The following RELN variants were observed in gnomAD, a reference collection of about 807,000 sequenced individuals.
RELN encodes reelin.
A neutral mutation model predicts 427.6 loss-of-function variants in RELN; 108 were observed. The observed-to-expected ratio is 0.25, with a 90% CI of 0.22 to 0.30. The LOEUF (loss-of-function observed/expected upper bound fraction) is 0.30. Among genes scored for constraint, RELN ranks in the 10% least tolerant of loss-of-function variants. The pLI is 1.00. For missense variants in RELN, 3,715 were observed against 4,302.8 expected, an observed-to-expected ratio of 0.86 and a Z score of 3.82; for synonymous variants, 1,524 against 1,513.4, an observed-to-expected ratio of 1.01 and a Z score of -0.16.
Position 103,596,161 on chromosome 7 carries a change from A to G in RELN, c.3539+295T>C, listed in dbSNP as rs138182670. On this transcript the variant is annotated intron_variant, in intron 25 of 64. Coordinates refer to ENST00000428762, the MANE Select transcript of RELN (RefSeq NM_005045.4). ...AAACAAGCCTGCAAATGGGAAAATGAGCGTGGAACATCCCCATATTCCATG... is the reference window on the plus strand; with the variant it reads ...AAACAAGCCTGCAAATGGGAAAATGGGCGTGGAACATCCCCATATTCCATG... 2.9e-3 allele frequency among the ~76,000 whole-genome samples: 442 copies of G among 152,352 alleles called. 3 individuals are homozygous for G. The highest frequency in any genetic ancestry group is 0.01 in the Middle Eastern group (3 of 294).
intron 58 of RELN, 91 bp downstream of exon 58, chr7:103,491,854 TCTCACACA>T (rs1352095141): frequency 5.8e-5 from 22 of 377,944 alleles, no homozygotes; most frequent in African/African-American, 3.9e-4. Context: ...TCTCTCTCTC[TCTCACACA>T]CACACACACA....
At chr7:103,837,663 C>A (rs370834184) in intron 2 of RELN, among the ~76,000 whole-genome samples, 1 of 152,150 alleles carries the variant, frequency 6.6e-6, no homozygotes, top group African/African-American at 2.4e-5. Flanking sequence ...TCCCTCACTG[C>A]CCCTCCCTCT....
intron 12 of RELN, among the ~76,000 whole-genome samples, chr7:103,660,498 TC>T (rs1194165329): frequency 6.6e-6 from 1 of 152,188 alleles, no homozygotes; most frequent in Non-Finnish European, 1.5e-5. Flanking sequence ...ATCTGAGGTT[TC>T]CCATGCAACC....
At chr7:103,700,025 T>C (rs1834057797) in intron 9 of RELN, among the ~76,000 whole-genome samples, 1 of 152,070 alleles carries the variant, frequency 6.6e-6, no homozygotes, top group African/African-American at 2.4e-5. Context: ...TAATATTTAT[T>C]CTGCTACCCT....
chr7:103,792,636 ATG>A, intron 3 of RELN, among the ~76,000 whole-genome samples: 1 of 152,218 alleles, frequency 6.6e-6, no homozygotes, highest in South Asian at 2.1e-4. Context: ...GGTAATAAAA[ATG>A]TTATAAAAAT....
intron 2 of RELN, among the ~76,000 whole-genome samples, chr7:103,864,489 T>C (rs992580477): frequency 2.6e-4 from 40 of 152,140 alleles, no homozygotes; most frequent in Non-Finnish European, 2.9e-5. Flanking sequence ...CATTCTATTC[T>C]CCGCTTCTGT....
intron 51 of RELN, among the ~76,000 whole-genome samples, chr7:103,506,246 G>A (rs1411639923): frequency 6.6e-6 from 1 of 152,076 alleles, no homozygotes; most frequent in Non-Finnish European, 1.5e-5. Context: ...ACGCCACAAA[G>A]ATACATAATC....
intron 6 of RELN, among the ~76,000 whole-genome samples, chr7:103,746,029 A>G (rs1377015776): frequency 2.0e-5 from 3 of 152,114 alleles, no homozygotes; most frequent in Admixed American, 6.5e-5. Flanking sequence ...CTACAAGGCT[A>G]CAGTAACCAA....
chr7:103,475,609 C>T (rs548412192), intron 64 of RELN, among the ~76,000 whole-genome samples: 3 of 152,252 alleles, frequency 2.0e-5, no homozygotes, highest in East Asian at 1.9e-4. Flanking sequence ...TTTGTTATCT[C>T]AATGCAACCT....
intron 10 of RELN, among the ~76,000 whole-genome samples, chr7:103,692,310 C>T (rs1833888788): frequency 6.6e-6 from 1 of 152,036 alleles, no homozygotes; most frequent in African/African-American, 2.4e-5. Flanking sequence ...GGTGAGTGAG[C>T]CCCAGCTTTG....
chr7:103,834,495 A>G (rs1232358224), intron 2 of RELN, among the ~76,000 whole-genome samples: 1 of 152,194 alleles, frequency 6.6e-6, no homozygotes, highest in Non-Finnish European at 1.5e-5. Context: ...CTAGCTGTGA[A>G]CAGGTCAGCT....
At chr7:103,874,722 A>G (rs62482296) in intron 2 of RELN, among the ~76,000 whole-genome samples, 14,660 of 140,262 alleles carry the variant, frequency 0.1, 1,019 homozygotes, top group East Asian at 0.25. Flanking sequence ...ACAAACAAAT[A>G]GAAGAACATT....
At chr7:103,651,165 C>T (rs1832906311) in intron 15 of RELN, among the ~76,000 whole-genome samples, 1 of 152,000 alleles carries the variant, frequency 6.6e-6, no homozygotes, top group Non-Finnish European at 1.5e-5. Context: ...TTTTACTATT[C>T]TCATAATGCT....
rs765007573 is a variant in RELN at position 103,575,675 on chromosome 7, G to C, written c.4176C>G (p.Ser1392Arg). The change falls in exon 29 of 65, where the codon AGC becomes AGG. Residue 1392 changes from serine (S) to arginine (R), a missense_variant. Around this residue, in one of 4 missense-constraint regions of RELN, gnomAD observed 2,208 missense variants for 2,361.7 expected, o/e 0.93. Coordinates refer to ENST00000428762, the MANE Select transcript of RELN (RefSeq NM_005045.4). ...ATGGAGGCACGTTTTTCTGTGAGCT[G>C]CTCTCCTGGATCCATCGGAATCTGG... ...SKTRFRWIQE[S>R]SSQKNVPPFG... 6.2e-7 allele frequency: 1 copy of C among 1,614,134 alleles called. No individual in the cohort carries two copies. Among genetic ancestry groups the C allele is most frequent in the Admixed American group, 1.7e-5 (1 of 60,028 alleles).
chr7:103,740,987 T>G (rs912392646), intron 6 of RELN, among the ~76,000 whole-genome samples: 4 of 152,172 alleles, frequency 2.6e-5, no homozygotes, highest in African/African-American at 9.7e-5. Flanking sequence ...TATCTGGTGG[T>G]GTGTGGCAGT....
chr7:103,536,700 G>C (rs1830059888), intron 45 of RELN, among the ~76,000 whole-genome samples: 1 of 152,218 alleles, frequency 6.6e-6, no homozygotes, highest in African/African-American at 2.4e-5. Context: ...ACATCATTCT[G>C]AGTCTCCTGT....
At chr7:103,541,224 TG>T (rs1054134827) in intron 43 of RELN, among the ~76,000 whole-genome samples, 5 of 152,136 alleles carry the variant, frequency 3.3e-5, no homozygotes, top group African/African-American at 1.2e-4. Flanking sequence ...AGCAACCAGC[TG>T]GGGTGCCAAT....
intron 8 of RELN, among the ~76,000 whole-genome samples, chr7:103,721,407 T>G (rs17359845): frequency 0.049 from 7,491 of 152,220 alleles, 219 homozygotes; most frequent in Middle Eastern, 0.075. Context: ...CATGTTTATG[T>G]CTAGTCCCGA....
Position 103,539,176 on chromosome 7 carries a change from C to T in RELN, c.7082G>A (p.Ser2361Asn). 6.2e-7 allele frequency: 1 copy of T among 1,614,192 alleles called. No individual in the cohort carries two copies. The highest frequency in any genetic ancestry group is 8.5e-7 in the Non-Finnish European group (1 of 1,180,040). ...GDALVFIEKA[S>N]TRYVVSTDVA... ...GTCTGTGCTGACCACGTAACGGGTG[C>T]TGGCCTTTTCAATGAAGACCAGGGC... Residue 2361 changes from serine (S) to asparagine (N), a missense_variant, in exon 45 of 65, where the codon AGC (serine) becomes AAC (asparagine). This residue lies in a region of RELN where 1,310 missense variants were observed against 1,643.0 expected (regional missense o/e 0.80). Coordinates refer to ENST00000428762, the MANE Select transcript of RELN (RefSeq NM_005045.4).
Sources: gnomAD v4.1 joint callset for allele counts (sites outside exome capture counted in the v4.1 genomes callset) on GRCh38, gnomAD v4.1.1 for gene constraint, gnomAD v4.1.1 regional missense constraint, MANE v1.5 for transcripts, NCBI Gene and HGNC (gene_info 2026-07-23, HGNC 2026-07-21) for gene names.